Variants in SND1 observed in about 807,000 individuals in gnomAD.
The protein encoded by SND1 is staphylococcal nuclease and tudor domain containing 1.
Under a neutral mutation model 121.7 loss-of-function variants are expected in SND1, and 38 were observed. That is an observed-to-expected ratio of 0.31 (90% confidence interval 0.24 to 0.41). The LOEUF (loss-of-function observed/expected upper bound fraction) is 0.41, where lower values mean the gene tolerates loss of function less well. SND1 is among the 10% of genes least tolerant of loss of function. The pLI is 1.00. For missense variants in SND1, 868 were observed against 1,184.6 expected (o/e 0.73, Z 3.92); for synonymous variants, 401 against 447.4 (o/e 0.90, Z 1.31).
intron 15 of SND1, among the ~76,000 whole-genome samples, chr7:127,942,497 A>G (rs773737587): frequency 9.2e-5 from 14 of 152,144 alleles, no homozygotes; most frequent in Non-Finnish European, 1.8e-4. Flanking sequence ...GGCTTGCCTC[A>G]TTGTGCCTAA....
chr7:127,807,644 AT>A, intron 11 of SND1, 71 bp downstream of exon 11: 1 of 1,188,702 alleles, frequency 8.4e-7, no homozygotes, highest in Non-Finnish European at 1.3e-6. Context: ...GGCAATTGTT[AT>A]AAGCTGGGCC....
chr7:127,871,741 A>G (rs1286162840), intron 12 of SND1, among the ~76,000 whole-genome samples: 4 of 152,206 alleles, frequency 2.6e-5, no homozygotes, highest in African/African-American at 4.8e-5. Flanking sequence ...GGCCTCAAAC[A>G]TTATCATCAA....
intron 10 of SND1, among the ~76,000 whole-genome samples, chr7:127,797,660 G>A (rs1227265299): frequency 1.3e-5 from 2 of 152,252 alleles, no homozygotes; most frequent in African/African-American, 4.8e-5. Flanking sequence ...TCTTCAGTGG[G>A]TGTGGGAGCC....
At chr7:127,728,334 A>G (rs1210572647) in intron 10 of SND1, among the ~76,000 whole-genome samples, 3 of 151,948 alleles carry the variant, frequency 2.0e-5, no homozygotes, top group African/African-American at 7.3e-5. Flanking sequence ...AATCATCACT[A>G]TCACACAGTT....
intron 13 of SND1, 138 bp downstream of exon 13, chr7:127,888,150 C>A (rs967532723): frequency 1.8e-6 from 1 of 558,296 alleles, no homozygotes; most frequent in Non-Finnish European, 3.1e-6. Context: ...TAGATTTTCC[C>A]CATGAAAAGA....
At position 128,029,609 on chromosome 7, in the gene SND1, G is replaced by C. The variant is rs968087556; in HGVS notation, c.1779+38553G>C. 1.2e-6 allele frequency: 2 copies of C among 1,614,002 alleles called. No homozygotes were observed. The highest frequency in any genetic ancestry group is 1.7e-5 in the Admixed American group (1 of 60,020). On this transcript the variant is annotated intron_variant, in intron 16 of 23. Transcript: ENST00000354725. This position sits in a 1 kb window ranked among gnomAD's most constrained non-coding sequence, Gnocchi z 4.2. ...GGGCAGAGCACTGGAAGGAGGCCTG[G>C]TCCACCTCCACGAGGTAGCGGCCTC...
chr7:127,851,022 G>T (rs1031583513), intron 12 of SND1, among the ~76,000 whole-genome samples: 2 of 152,112 alleles, frequency 1.3e-5, no homozygotes, highest in Admixed American at 6.5e-5. Flanking sequence ...CAGATATTTC[G>T]TGGCTGGCTA....
chr7:127,981,285 T>A lies in SND1; in HGVS notation c.1670-9662T>A, dbSNP rs567667485. Reference sequence around the variant, plus strand: ...AGAGAAACCCAGGAAAAAAAAAAAATTTTTGAAAGGCACAGGTCTCTCCCA... The same window carrying A: ...AGAGAAACCCAGGAAAAAAAAAAAAATTTTGAAAGGCACAGGTCTCTCCCA... On this transcript the variant is annotated intron_variant, in intron 15 of 23. Coordinates refer to ENST00000354725, the MANE Select transcript of SND1 (RefSeq NM_014390.4). Among the ~76,000 whole-genome samples, 1,258 of 151,956 alleles carry A rather than the reference T, an allele frequency of 8.3e-3. 15 individuals are homozygous for A. The highest frequency in any genetic ancestry group is 0.021 in the African/African-American group (885 of 41,464).
intron 10 of SND1, among the ~76,000 whole-genome samples, chr7:127,788,523 A>AC (rs1797853245): frequency 6.6e-6 from 1 of 152,170 alleles, no homozygotes; most frequent in Non-Finnish European, 1.5e-5. Flanking sequence ...TTCTCTCTTG[A>AC]CCCAATACCC....
In SND1 at chr7:127,826,315, G is replaced by C. The variant is rs73465812; in HGVS notation, c.1243-18009G>C. Among the ~76,000 whole-genome samples the C allele has an allele frequency of 3.2e-3, 489 of 151,968 alleles. 3 individuals carry two copies. The highest frequency in any genetic ancestry group is 0.01 in the African/African-American group (431 of 41,430). On this transcript the variant is annotated intron_variant, in intron 11 of 23. Coordinates refer to ENST00000354725, the MANE Select transcript of SND1 (RefSeq NM_014390.4). ...CATGAGTATATAATTTATTTAACTG[G>C]TGTATGTTCATCTTATTTTTTTTTG...
intron 16 of SND1, among the ~76,000 whole-genome samples, chr7:128,056,518 C>T (rs1793144363): frequency 6.6e-6 from 1 of 152,190 alleles, no homozygotes; most frequent in African/African-American, 2.4e-5. Flanking sequence ...CCATTTCATT[C>T]GATTCATTTA....
chr7:127,697,311 G>A (rs1464531166), intron 3 of SND1, among the ~76,000 whole-genome samples: 1 of 151,864 alleles, frequency 6.6e-6, no homozygotes, highest in East Asian at 1.9e-4. Context: ...TCACCCCAGG[G>A]GAAGATACTT....
rs548500002 is a variant in SND1 at position 127,804,921 on chromosome 7, G to A, written c.1153-2563G>A. Among the ~76,000 whole-genome samples the A allele has an allele frequency of 3.3e-5, 5 of 152,262 alleles. 1 individual carries two copies. Among genetic ancestry groups the A allele is most frequent in the African/African-American group, 1.2e-4 (5 of 41,538 alleles). Reference sequence around the variant, plus strand: ...GTCCACTGTTGTTTGGTGAATATGAGTACGCTGACACTTCTTTATTCCTGA... The same window carrying A: ...GTCCACTGTTGTTTGGTGAATATGAATACGCTGACACTTCTTTATTCCTGA... On this transcript the variant is annotated intron_variant, in intron 10 of 23. Coordinates refer to ENST00000354725, the MANE Select transcript of SND1 (RefSeq NM_014390.4).
intron 9 of SND1, chr7:127,718,607 C>T (rs1343403719): frequency 1.0e-6 from 1 of 985,262 alleles, no homozygotes; most frequent in African/African-American, 1.7e-5. Flanking sequence ...AGATGCTGAG[C>T]AGCAGAGAGA....
intron 16 of SND1, among the ~76,000 whole-genome samples, chr7:128,068,557 G>A (rs1242587544): frequency 6.6e-6 from 1 of 152,186 alleles, no homozygotes. Context: ...GTTTGGGGTG[G>A]GGACAGGGAC....
intron 9 of SND1, among the ~76,000 whole-genome samples, chr7:127,714,176 C>A (rs1232491453): frequency 1.3e-5 from 2 of 152,062 alleles, no homozygotes; most frequent in Admixed American, 1.3e-4. Context: ...GTCCTCTGTA[C>A]CTATATATAG....
intron 10 of SND1, among the ~76,000 whole-genome samples, chr7:127,793,598 A>T (rs950954470): frequency 6.6e-6 from 1 of 152,178 alleles, no homozygotes; most frequent in Non-Finnish European, 1.5e-5. Context: ...TGACATAAAA[A>T]CATTGTTAAA....
intron 10 of SND1, among the ~76,000 whole-genome samples, chr7:127,761,355 C>T (rs983434348): frequency 6.6e-6 from 1 of 152,188 alleles, no homozygotes; most frequent in Non-Finnish European, 1.5e-5. Context: ...TTCTCAGTTA[C>T]AGTTTGATAA....
At chr7:127,925,337 A>G (rs140923921) in intron 14 of SND1, among the ~76,000 whole-genome samples, 1 of 152,346 alleles carries the variant, frequency 6.6e-6, no homozygotes, top group African/African-American at 2.4e-5. Context: ...ATTGGTGTAG[A>G]TAACAGAAAA....
Sources: allele counts gnomAD v4.1 joint callset (sites outside exome capture counted in the v4.1 genomes callset), GRCh38; gene constraint gnomAD v4.1.1; non-coding constraint Gnocchi (gnomAD v3.1); transcripts MANE v1.5; gene names NCBI Gene and HGNC (gene_info 2026-07-23, HGNC 2026-07-21).